The following DHRSX variants were observed in gnomAD, a reference collection of about 807,000 sequenced individuals.
The protein encoded by DHRSX is dehydrogenase/reductase X-linked.
DHRSX carries 31 observed loss-of-function variants against 34.0 expected under a neutral mutation model. The observed-to-expected ratio is 0.91, with a 90% CI of 0.69 to 1.23. DHRSX has a LOEUF of 1.23. Ranked by LOEUF, DHRSX falls within the 50% of genes most tolerant of loss-of-function variation. DHRSX has a pLI of 0.00. For missense variants in DHRSX, 414 were observed against 428.1 expected (o/e 0.97, Z 0.29); for synonymous variants, 201 against 183.8 (o/e 1.09, Z -0.76).
At chrX:2,316,246 G>A (rs1462029874) in intron 3 of DHRSX, among the ~76,000 whole-genome samples, 1 of 150,530 alleles carries the variant, frequency 6.6e-6, no homozygotes, top group Non-Finnish European at 1.5e-5. Context: ...ATGGGAGTCT[G>A]CTTCTTCAAA....
intron 5 of DHRSX, among the ~76,000 whole-genome samples, chrX:2,264,685 G>A (rs2041417555): frequency 6.7e-6 from 1 of 149,070 alleles, no homozygotes; most frequent in Non-Finnish European, 1.5e-5. Context: ...ACCATTTCCA[G>A]GGCACGTGCG....
chrX:2,459,541 T>C (rs2044368437), intron 1 of DHRSX, among the ~76,000 whole-genome samples: 1 of 86,644 alleles, frequency 1.2e-5, no homozygotes. Context: ...AGAGAATGTG[T>C]GTCTGTGTGT....
chrX:2,408,811 C>T lies in DHRSX; in HGVS notation c.220G>A (p.Gly74Arg), dbSNP rs1403761257. 1.2e-6 allele frequency: 2 copies of T among 1,608,498 alleles called. No individual in the cohort carries two copies. Among genetic ancestry groups the T allele is most frequent in the Non-Finnish European group, 1.7e-6 (2 of 1,178,354 alleles). Residue 74 changes from glycine (G) to arginine (R), a missense_variant and splice_region_variant, in exon 3 of 7, where the codon GGA (glycine) becomes AGA (arginine). Coordinates refer to ENST00000334651, the MANE Select transcript of DHRSX (RefSeq NM_145177.3). ...TGTTTGGCTTTGCTGTCATTATTTC[C>T]AGCTAAAAGGAAAAAGAAAAAAAAG... ...ARLGMHVIIAGNNDSKAKQVV... is the reference protein window; with the variant it reads ...ARLGMHVIIARNNDSKAKQVV...
chrX:2,353,187 T>G (rs2042808236), intron 3 of DHRSX, among the ~76,000 whole-genome samples: 1 of 152,104 alleles, frequency 6.6e-6, no homozygotes, highest in African/African-American at 2.4e-5. Flanking sequence ...GAAATTGCAG[T>G]GAGCCAAGAC....
chrX:2,271,186 C>G (rs906254846), intron 4 of DHRSX, among the ~76,000 whole-genome samples: 1 of 152,172 alleles, frequency 6.6e-6, no homozygotes, highest in African/African-American at 2.4e-5. Flanking sequence ...AGCGAGTCTG[C>G]GAACCCACCA....
intron 3 of DHRSX, among the ~76,000 whole-genome samples, chrX:2,328,997 A>G (rs974384718): frequency 6.6e-6 from 1 of 152,204 alleles, no homozygotes; most frequent in African/African-American, 2.4e-5. Flanking sequence ...GATGGTACCT[A>G]CTAAGAGAGA....
chrX:2,226,663 T>C (rs2015668879), intron 6 of DHRSX, among the ~76,000 whole-genome samples: 1 of 145,276 alleles, frequency 6.9e-6, no homozygotes, highest in Admixed American at 7.0e-5. Flanking sequence ...TAGCCGGGCA[T>C]GGTGGCGAGC....
At chrX:2,392,446 G>T in intron 3 of DHRSX, 2 of 310,120 alleles carry the variant, frequency 6.4e-6, no homozygotes, top group Non-Finnish European at 1.3e-5. Context: ...GGCAAAGCCA[G>T]CCCGGGCAAC....
intron 5 of DHRSX, among the ~76,000 whole-genome samples, chrX:2,253,092 G>A (rs1304313548): frequency 1.3e-5 from 2 of 152,268 alleles, no homozygotes; most frequent in East Asian, 3.8e-4. Context: ...AGGCTGAGGT[G>A]GGAGCAGATC....
At chrX:2,381,818 A>C (rs2043206907) in intron 3 of DHRSX, among the ~76,000 whole-genome samples, 1 of 143,268 alleles carries the variant, frequency 7.0e-6, no homozygotes, top group Non-Finnish European at 1.6e-5. Context: ...AAAAAAAAAA[A>C]AAGCCAGCAA....
chrX:2,344,897 A>G lies in DHRSX; in HGVS notation c.287-53294T>C, dbSNP rs868632666. On this transcript the variant is annotated intron_variant, in intron 3 of 6. Transcript: ENST00000334651. ...CATATATATATATATATATATATAT[A>G]TATATATATATATATATACTGTATT... 2.2e-5 allele frequency among the ~76,000 whole-genome samples: 3 copies of G among 138,914 alleles called. No individual in the cohort carries two copies. In the East Asian group the frequency reaches 6.3e-4, roughly 29 times the overall value. The allele number at this position is 138,914 out of a possible 152,430, so 91.1% of individuals were successfully genotyped here.
chrX:2,260,790 A>C lies in DHRSX; in HGVS notation c.596+5950T>G, dbSNP rs150303665. Among the ~76,000 whole-genome samples, 901 of 152,164 alleles carry C rather than the reference A, an allele frequency of 5.9e-3. 25 individuals carry two copies. Among genetic ancestry groups the C allele is most frequent in the Admixed American group, 0.05 (760 of 15,262 alleles). Reference sequence around the variant, plus strand: ...TCTACTTCTTGTAAGGCCACCCATCATATTGGATCAAGGGTCTACCCTAAT... The same window carrying C: ...TCTACTTCTTGTAAGGCCACCCATCCTATTGGATCAAGGGTCTACCCTAAT... On this transcript the variant is annotated intron_variant, in intron 5 of 6. Coordinates refer to ENST00000334651, the MANE Select transcript of DHRSX (RefSeq NM_145177.3).
chrX:2,232,098 CTT>C (rs1403260167), intron 6 of DHRSX, among the ~76,000 whole-genome samples: 1 of 148,974 alleles, frequency 6.7e-6, no homozygotes, highest in Admixed American at 6.8e-5. Flanking sequence ...CCTCATCTTC[CTT>C]TTTCTCTCTC....
At chrX:2,339,891 T>G (rs62583719) in intron 3 of DHRSX, among the ~76,000 whole-genome samples, 43,141 of 151,904 alleles carry the variant, frequency 0.28, 7,681 homozygotes, top group African/African-American at 0.49. Context: ...CTCAGTCATG[T>G]GATTACTGGG....
chrX:2,462,371 G>T (rs1302248040), intron 1 of DHRSX, among the ~76,000 whole-genome samples: 1 of 152,008 alleles, frequency 6.6e-6, no homozygotes, highest in African/African-American at 2.4e-5. Context: ...AAAGGCAAAA[G>T]AGCAATAATA....
At chrX:2,299,386 C>T (rs1036447447) in intron 3 of DHRSX, among the ~76,000 whole-genome samples, 7 of 152,270 alleles carry the variant, frequency 4.6e-5, no homozygotes, top group African/African-American at 1.2e-4. Context: ...ATGCCCCTCT[C>T]GGCACCTAGC....
At chrX:2,344,314 T>A (rs990699303) in intron 3 of DHRSX, among the ~76,000 whole-genome samples, 1 of 152,312 alleles carries the variant, frequency 6.6e-6, no homozygotes. Context: ...TTATGCCAGT[T>A]AGAATGGCGA....
chrX:2,360,837 GC>G (rs1453017957), intron 3 of DHRSX, among the ~76,000 whole-genome samples: 10 of 152,006 alleles, frequency 6.6e-5, no homozygotes, highest in Admixed American at 3.3e-4. Context: ...TTCGAATTCT[GC>G]CCCCTCTCTG....
intron 3 of DHRSX, among the ~76,000 whole-genome samples, chrX:2,319,833 T>C (rs1468033576): frequency 6.6e-6 from 1 of 151,952 alleles, no homozygotes; most frequent in Non-Finnish European, 1.5e-5. Context: ...CAGCTGTATA[T>C]ACATATTTTT....
Sources: allele counts gnomAD v4.1 joint callset (sites outside exome capture counted in the v4.1 genomes callset), GRCh38; gene constraint gnomAD v4.1.1; transcripts MANE v1.5; gene names NCBI Gene and HGNC (gene_info 2026-07-23, HGNC 2026-07-21).